Variants in DNAI3 observed in about 807,000 individuals in gnomAD.
DNAI3 encodes dynein axonemal intermediate chain 3.
Under a neutral mutation model 115.5 loss-of-function variants are expected in DNAI3, and 83 were observed. The observed-to-expected ratio is 0.72, with a 90% CI of 0.60 to 0.86. DNAI3 has a LOEUF of 0.86. DNAI3 is among the 40% of genes least tolerant of loss of function. The pLI is 0.00. For missense variants in DNAI3, 1,004 were observed against 1,075.8 expected, an observed-to-expected ratio of 0.93 and a Z score of 0.93; for synonymous variants, 320 against 347.0, an observed-to-expected ratio of 0.92 and a Z score of 0.86.
In DNAI3 at chr1:85,098,548, C is replaced by G. The variant is rs866228331; in HGVS notation, c.1369C>G (p.Pro457Ala). The G allele has an allele frequency of 6.2e-7, 1 of 1,611,686 alleles. No individual in the cohort carries two copies. The highest frequency in any genetic ancestry group is 8.5e-7 in the Non-Finnish European group (1 of 1,179,338). The stretch of plus-strand genomic sequence containing the variant: ...TTTTCAGCCTATGTTTCTCCTTGAA[C>G]CGGAGAGTAATAAAGAAGCAATGTA... The part of the protein sequence containing the change: ...ATLKPMFLLE[P>A]ESNKEAMYIR... The change falls in exon 13 of 23, where the codon CCG becomes GCG. Residue 457 changes from proline to alanine, a missense_variant. By Grantham distance (27) the Pro-to-Ala change is conservative. This residue lies in a region of DNAI3 where 550 missense variants were observed against 568.1 expected (regional missense o/e 0.97). Coordinates refer to ENST00000294664, the MANE Select transcript of DNAI3 (RefSeq NM_145172.5).
rs538637775 is a variant in DNAI3 at position 85,124,250 on chromosome 1, T to C, written c.2111T>C (p.Met704Thr). Residue 704 changes from methionine to threonine, a missense_variant and splice_region_variant, in exon 19 of 23, where the codon ATG becomes ACG. By Grantham distance (81) the Met-to-Thr change is moderately conservative (BLOSUM62 -1). Coordinates refer to ENST00000294664, the MANE Select transcript of DNAI3 (RefSeq NM_145172.5). ...WNVAIWKEGV[M>T]TGPLLQSCCA... is the part of the protein sequence containing the mutation. Reference sequence around the variant, plus strand: ...GTGGCCATATGGAAAGAAGGTGTTATGGTAAGTTGCCTGCAAAATGGAAGC... The same window carrying C: ...GTGGCCATATGGAAAGAAGGTGTTACGGTAAGTTGCCTGCAAAATGGAAGC... The C allele has an allele frequency of 1.7e-5, 27 of 1,543,126 alleles. No individual in the cohort carries two copies. Among genetic ancestry groups the C allele is most frequent in the Middle Eastern group, 1.7e-4 (1 of 5,924 alleles).
At chr1:85,077,627 T>C (rs867757498) in intron 3 of DNAI3, among the ~76,000 whole-genome samples, 15 of 152,092 alleles carry the variant, frequency 9.9e-5, no homozygotes, top group African/African-American at 3.4e-4. Flanking sequence ...AGCAAACTAA[T>C]CTATAGTGAC....
At chr1:85,122,171 CAAT>C (rs1353391751) in intron 18 of DNAI3, among the ~76,000 whole-genome samples, 2 of 152,272 alleles carry the variant, frequency 1.3e-5, no homozygotes, top group East Asian at 3.9e-4. Context: ...AATACTGTTT[CAAT>C]AATTCAATAA....
chr1:85,088,433 A>G (rs1376804231), intron 7 of DNAI3, among the ~76,000 whole-genome samples: 1 of 152,200 alleles, frequency 6.6e-6, no homozygotes, highest in African/African-American at 2.4e-5. Context: ...CATTACAAGC[A>G]GGAAATTGGG....
At chr1:85,072,075 T>A (rs1041633307) in intron 2 of DNAI3, 70 bp downstream of exon 2, 13 of 1,414,328 alleles carry the variant, frequency 9.2e-6, no homozygotes, top group Non-Finnish European at 1.3e-5. Context: ...GCAAAATGAT[T>A]ATGGTTTTAC....
chr1:85,077,957 C>T (rs1654512191), intron 3 of DNAI3, among the ~76,000 whole-genome samples: 1 of 151,776 alleles, frequency 6.6e-6, no homozygotes, highest in Non-Finnish European at 1.5e-5. Context: ...ATATGTGTAA[C>T]CTATGATTTA....
chr1:85,117,713 C>T lies in DNAI3; in HGVS notation c.1787-16C>T. ...CCTGTAAATATGTACTTCTTCTACC[C>T]ACACTCCTCTGAAAGACAAAATGTT... On this transcript the variant is annotated splice_polypyrimidine_tract_variant and intron_variant, in intron 16 of 22. Coordinates refer to ENST00000294664, the MANE Select transcript of DNAI3 (RefSeq NM_145172.5). 1 of 1,611,360 alleles carries T rather than the reference C, an allele frequency of 6.2e-7. No homozygotes were observed. Among genetic ancestry groups the T allele is most frequent in the South Asian group, 1.1e-5 (1 of 90,708 alleles).
At chr1:85,095,596 A>G (rs900003370) in intron 10 of DNAI3, among the ~76,000 whole-genome samples, 13 of 152,128 alleles carry the variant, frequency 8.5e-5, no homozygotes, top group East Asian at 1.9e-4. Context: ...CTTCCCTTCC[A>G]TGGTTTTCAG....
At position 85,082,117 on chromosome 1, in the gene DNAI3, T is replaced by C. The variant is rs114735279; in HGVS notation, c.286-183T>C. On this transcript the variant is annotated intron_variant, in intron 4 of 22. Coordinates refer to ENST00000294664, the MANE Select transcript of DNAI3 (RefSeq NM_145172.5). ...CATGTACATTTCCCTGGATGCATTA[T>C]GTTTTTAAGAGCTTTTTAAAGTTAA... Among the ~76,000 whole-genome samples, 533 of 152,352 alleles carry C rather than the reference T, an allele frequency of 3.5e-3. 5 individuals carry two copies. Among genetic ancestry groups the C allele is most frequent in the African/African-American group, 0.012 (506 of 41,582 alleles).
In DNAI3 at chr1:85,097,109, A is replaced by G. The variant is rs543501182; in HGVS notation, c.1264-460A>G. 3.9e-5 allele frequency among the ~76,000 whole-genome samples: 6 copies of G among 152,164 alleles called. 1 individual carries two copies. The South Asian group carries it at 1.2e-3, about 32-fold the overall frequency. ...GTTTTTAAAAAATGGCCTTCTAGAT[A>G]CATAAGAATTCAGAGTTGGCTGTAA... On this transcript the variant is annotated intron_variant, in intron 11 of 22. Transcript: ENST00000294664.
intron 16 of DNAI3, among the ~76,000 whole-genome samples, chr1:85,113,331 A>G (rs1445620359): frequency 6.6e-6 from 1 of 151,926 alleles, no homozygotes; most frequent in Admixed American, 6.6e-5. Context: ...GTTTTTTCCT[A>G]ATTTTTCTAG....
intron 5 of DNAI3, among the ~76,000 whole-genome samples, chr1:85,084,277 T>C (rs7540954): frequency 0.031 from 3,935 of 128,348 alleles, 207 homozygotes; most frequent in African/African-American, 0.086. Context: ...TATATATATA[T>C]ACACATCCAT....
chr1:85,104,618 T>G (rs1278098804), intron 14 of DNAI3, 21 bp downstream of exon 14: 1 of 1,608,246 alleles, frequency 6.2e-7, no homozygotes, highest in African/African-American at 1.3e-5. Context: ...TTTCAAACAT[T>G]TCCTAATGTG....
In DNAI3 at chr1:85,093,603, A is replaced by G; in HGVS notation, c.1003A>G (p.Thr335Ala). The G allele has an allele frequency of 1.9e-6, 3 of 1,614,196 alleles. No individual in the cohort carries two copies. Among genetic ancestry groups the G allele is most frequent in the Non-Finnish European group, 1.7e-6 (2 of 1,180,034 alleles). Residue 335 changes from threonine to alanine, a missense_variant, in exon 9 of 23, where the codon ACG becomes GCG. Around this residue, in one of 3 missense-constraint regions of DNAI3, gnomAD observed 550 missense variants for 568.1 expected, o/e 0.97. Coordinates refer to ENST00000294664, the MANE Select transcript of DNAI3 (RefSeq NM_145172.5). The part of the protein sequence containing the change: ...YQSFTDLHSP[T>A]EKMITCVSWH... Reference sequence around the variant, plus strand: ...GTCCTTTACCGACCTTCATAGCCCAACGGAGAAAATGATTACCTGTGTCTC... The same window carrying G: ...GTCCTTTACCGACCTTCATAGCCCAGCGGAGAAAATGATTACCTGTGTCTC...
intron 3 of DNAI3, among the ~76,000 whole-genome samples, chr1:85,073,682 G>T (rs903163298): frequency 8.5e-5 from 13 of 152,176 alleles, no homozygotes; most frequent in African/African-American, 2.7e-4. Flanking sequence ...AGCCCTGTAG[G>T]CCACTGTAAA....
At position 85,108,024 on chromosome 1, in the gene DNAI3, T is replaced by A. The variant is rs1235357927; in HGVS notation, c.1554-9T>A. The A allele has an allele frequency of 7.9e-6, 12 of 1,517,556 alleles. No individual in the cohort carries two copies. In the East Asian group the frequency reaches 2.9e-4, roughly 37 times the overall value. The allele number at this position is 1,517,556 out of a possible 1,614,324, so 94.0% of individuals were successfully genotyped here. On this transcript the variant is annotated splice_polypyrimidine_tract_variant and intron_variant, in intron 14 of 22. Transcript: ENST00000294664. ...TACTTAATAAAAAATATATATAAAT[T>A]TTTTTTAGCACAATATGTTTTTGGG...
chr1:85,087,824 G>A (rs562533833), intron 7 of DNAI3, among the ~76,000 whole-genome samples: 1 of 152,278 alleles, frequency 6.6e-6, no homozygotes, highest in African/African-American at 2.4e-5. Flanking sequence ...AGGAGAATCA[G>A]GGCTCAGCAC....
chr1:85,077,305 A>G (rs1207522756), intron 3 of DNAI3, among the ~76,000 whole-genome samples: 4 of 152,116 alleles, frequency 2.6e-5, no homozygotes, highest in Admixed American at 2.6e-4. Context: ...ACAAAAATTA[A>G]CTCAAAAGGA....
chr1:85,121,460 T>C (rs1011872747), intron 17 of DNAI3, among the ~76,000 whole-genome samples: 11 of 152,204 alleles, frequency 7.2e-5, no homozygotes, highest in African/African-American at 2.2e-4. Flanking sequence ...AACAAAAACT[T>C]TGGATGCCCA....
Sources: allele counts gnomAD v4.1 joint callset (sites outside exome capture counted in the v4.1 genomes callset), GRCh38; gene constraint gnomAD v4.1.1; regional missense constraint gnomAD v4.1.1; transcripts MANE v1.5; gene names NCBI Gene and HGNC (gene_info 2026-07-23, HGNC 2026-07-21).